The following ZNF462 variants were observed in gnomAD, a reference collection of about 807,000 sequenced individuals.
The protein encoded by ZNF462 is zinc finger protein 462.
In ZNF462, 10 loss-of-function variants were observed where a neutral mutation model predicts 201.9. The ratio of observed to expected loss-of-function variants is 0.05; its 90% CI spans 0.03 to 0.08. ZNF462 has a LOEUF of 0.08. Among genes scored for constraint, ZNF462 ranks in the 10% least tolerant of loss-of-function variants. The probability of loss-of-function intolerance (pLI) is 1.00; values close to 1 mark genes in which losing one functional copy is unlikely to be tolerated. For missense variants in ZNF462, 2,523 were observed against 3,168.3 expected (o/e 0.80, Z 4.89); for synonymous variants, 1,227 against 1,193.3 (o/e 1.03, Z -0.58).
intron 7 of ZNF462, among the ~76,000 whole-genome samples, chr9:106,944,995 A>G (rs576323128): frequency 6.6e-6 from 1 of 152,286 alleles, no homozygotes; most frequent in South Asian, 2.1e-4. Flanking sequence ...TTTATGTACA[A>G]AAACAAAGGA....
chr9:106,951,790 C>T (rs1481439533), intron 7 of ZNF462, among the ~76,000 whole-genome samples: 2 of 152,068 alleles, frequency 1.3e-5, no homozygotes, highest in Non-Finnish European at 2.9e-5. Context: ...CCGGCACTCT[C>T]ACCCTGGGGA....
At chr9:106,910,287 TG>T (rs1180692387) in intron 1 of ZNF462, among the ~76,000 whole-genome samples, 1 of 151,926 alleles carries the variant, frequency 6.6e-6, no homozygotes, top group Non-Finnish European at 1.5e-5. Context: ...TTCTGTGTCC[TG>T]TTCCTCCAAA....
rs1259156730 is a variant in ZNF462 at position 106,876,052 on chromosome 9, A to T, written c.-31+12697A>T. 2.0e-5 allele frequency among the ~76,000 whole-genome samples: 3 copies of T among 152,254 alleles called. No homozygotes were observed. Among genetic ancestry groups the T allele is most frequent in the East Asian group, 1.9e-4 (1 of 5,174 alleles). On this transcript the variant is annotated intron_variant, in intron 1 of 12. Transcript: ENST00000277225. This position sits in a 1 kb window ranked among gnomAD's most constrained non-coding sequence, Gnocchi z 4.9. ...CTTAGAATTTCTGGGGTGAAAATGC[A>T]GTTCTCTGTGCAGGGGTCTCTGTTA...
intron 7 of ZNF462, among the ~76,000 whole-genome samples, chr9:106,943,858 T>C (rs1830993076): frequency 6.6e-6 from 1 of 152,130 alleles, no homozygotes; most frequent in African/African-American, 2.4e-5. Context: ...ACAGGCTGAG[T>C]TTATTTCATT....
rs1373494470 is a variant in ZNF462 at position 106,984,975 on chromosome 9, G to GT, written c.7056+567dup. Among the ~76,000 whole-genome samples, 1 of 152,142 alleles carries GT rather than the reference G, an allele frequency of 6.6e-6. No homozygotes were observed. The highest frequency in any genetic ancestry group is 1.5e-5 in the Non-Finnish European group (1 of 68,034). ...AAATACAAAAGATTAGCCAGGCATGGTGGTGTGCACCTGTGGTCCCAACTA... is the reference window on the plus strand; with the variant it reads ...AAATACAAAAGATTAGCCAGGCATGGTTGGTGTGCACCTGTGGTCCCAACTA... On this transcript the variant is annotated intron_variant, in intron 10 of 12. Transcript: ENST00000277225. This position sits in a 1 kb window ranked among gnomAD's most constrained non-coding sequence, Gnocchi z 6.4.
In ZNF462 at chr9:106,925,965, C is replaced by G. The variant is rs376724425; in HGVS notation, c.2053C>G (p.Leu685Val). The change falls in exon 3 of 13, where the codon CTA (leucine) becomes GTA (valine). Residue 685 changes from leucine (L) to valine (V), a missense_variant. Transcript: ENST00000277225. This position sits in a 1 kb window ranked among gnomAD's most constrained non-coding sequence, Gnocchi z 7.9. ...ASRKLANDFP[L>V]DLSPVKKRTR... ...TAGGAAGCTCGCCAATGACTTTCCTCTAGATTTGTCACCCGTGAAGAAGAG... is the reference window on the plus strand; with the variant it reads ...TAGGAAGCTCGCCAATGACTTTCCTGTAGATTTGTCACCCGTGAAGAAGAG... 1.9e-6 allele frequency: 3 copies of G among 1,614,030 alleles called. No individual in the cohort carries two copies. Among genetic ancestry groups the G allele is most frequent in the Non-Finnish European group, 2.5e-6 (3 of 1,180,038 alleles).
intron 1 of ZNF462, among the ~76,000 whole-genome samples, chr9:106,891,543 A>G (rs1828578562): frequency 6.6e-6 from 1 of 152,118 alleles, no homozygotes; most frequent in Non-Finnish European, 1.5e-5. Flanking sequence ...CGAGAGAGAA[A>G]AATATTTTTG....
rs893718103 is a variant in ZNF462, at chr9:106,933,896, G to A, written c.6116+1347G>A. On this transcript the variant is annotated intron_variant, in intron 5 of 12. Transcript: ENST00000277225. This position sits in a 1 kb window ranked among gnomAD's most constrained non-coding sequence, Gnocchi z 4.3. The stretch of plus-strand genomic sequence containing the variant: ...AAGCTGACTGGGGCCCTAGCTGGGG[G>A]TTCAGTTTGACTAATCCTTAAGTTA... Among the ~76,000 whole-genome samples the A allele has an allele frequency of 1.1e-4, 17 of 152,100 alleles. No individual in the cohort carries two copies. Among genetic ancestry groups the A allele is most frequent in the African/African-American group, 3.4e-4 (14 of 41,422 alleles).
chr9:106,862,484 C>CT (rs1259152112), upstream of ZNF462, among the ~76,000 whole-genome samples: 1 of 152,138 alleles, frequency 6.6e-6, no homozygotes, highest in Non-Finnish European at 1.5e-5. This position sits in a 1 kb window ranked among gnomAD's most constrained non-coding sequence, Gnocchi z 4.2. Context: ...CTCGCACCGC[C>CT]TTCTCCGCAG....
intron 1 of ZNF462, among the ~76,000 whole-genome samples, chr9:106,907,207 C>T (rs1248781360): frequency 6.6e-6 from 1 of 152,062 alleles, no homozygotes; most frequent in African/African-American, 2.4e-5. Context: ...ATTTCTGCCT[C>T]AATATTTCTA....
chr9:106,985,600 G>A (rs1181969807), intron 10 of ZNF462, among the ~76,000 whole-genome samples: 3 of 152,156 alleles, frequency 2.0e-5, no homozygotes, highest in Non-Finnish European at 4.4e-5. Context: ...TAGCCAACAA[G>A]TCCAAAATAT....
chr9:106,887,303 C>T (rs933173856), intron 1 of ZNF462, among the ~76,000 whole-genome samples: 10 of 152,172 alleles, frequency 6.6e-5, no homozygotes, highest in African/African-American at 2.4e-4. Context: ...GTTGTTCTTA[C>T]ATGTTATCCA....
At chr9:106,898,083 A>G (rs1828888537) in intron 1 of ZNF462, among the ~76,000 whole-genome samples, 1 of 152,232 alleles carries the variant, frequency 6.6e-6, no homozygotes. Flanking sequence ...TCATCAGTTT[A>G]TATTTAATGT....
Position 106,924,959 on chromosome 9 carries a change from G to A in ZNF462, c.1047G>A (p.Lys349=). 1 of 1,614,178 alleles carries A rather than the reference G, an allele frequency of 6.2e-7. No homozygotes were observed. Among genetic ancestry groups the A allele is most frequent in the South Asian group, 1.1e-5 (1 of 91,076 alleles). The change falls in exon 3 of 13, where the codon AAG becomes AAA. Residue 349 remains lysine, a synonymous_variant. Coordinates refer to ENST00000277225, the MANE Select transcript of ZNF462 (RefSeq NM_021224.6). This position sits in a 1 kb window ranked among gnomAD's most constrained non-coding sequence, Gnocchi z 6.2. ...TGTCTTACCCTCAGATGAAGCCGAA[G>A]TCACCTCACAATTCTGGTCTAGTTA... is the stretch of plus-strand genomic sequence containing the variant. ...SPMSYPQMKP[K]SPHNSGLVNL...
chr9:106,907,735 A>T (rs7020564), intron 1 of ZNF462, among the ~76,000 whole-genome samples: 66,137 of 151,764 alleles, frequency 0.44, 17,913 homozygotes, highest in African/African-American at 0.77. Flanking sequence ...TTTGTTTTTA[A>T]TGTAGTCAAA....
Position 106,920,146 on chromosome 9 carries a change from T to A in ZNF462, c.-30-3208T>A, listed in dbSNP as rs1022227762. On this transcript the variant is annotated intron_variant, in intron 1 of 12. Coordinates refer to ENST00000277225, the MANE Select transcript of ZNF462 (RefSeq NM_021224.6). The surrounding 1 kb of genome is among the most constrained non-coding windows in gnomAD (Gnocchi z 4.3). Reference sequence around the variant, plus strand: ...GATATGCAGAGCTTATTTCTCACCTTTTTTTTTTTTCCTCGGTTTTGGTTT... The same window carrying A: ...GATATGCAGAGCTTATTTCTCACCTATTTTTTTTTTCCTCGGTTTTGGTTT... 6.7e-6 allele frequency among the ~76,000 whole-genome samples: 1 copy of A among 149,642 alleles called. No individual in the cohort carries two copies. Among genetic ancestry groups the A allele is most frequent in the Non-Finnish European group, 1.5e-5 (1 of 67,156 alleles).
rs192782900 is a variant in ZNF462, at chr9:107,006,988, A to G, written c.7190-2557A>G. ...TTCTTTTTCAAACCATTTCATGAGT[A>G]TGTTCTTTACAATGATTTCTTAACA... On this transcript the variant is annotated intron_variant, in intron 11 of 12. Transcript: ENST00000277225. This position sits in a 1 kb window ranked among gnomAD's most constrained non-coding sequence, Gnocchi z 4.3. Among the ~76,000 whole-genome samples the G allele has an allele frequency of 3.5e-4, 54 of 152,186 alleles. No homozygotes were observed. Among genetic ancestry groups the G allele is most frequent in the Non-Finnish European group, 5.9e-4 (40 of 68,018 alleles).
intron 1 of ZNF462, among the ~76,000 whole-genome samples, chr9:106,864,148 C>CG (rs1385576749): frequency 7.6e-6 from 1 of 132,282 alleles, no homozygotes; most frequent in African/African-American, 2.8e-5. Context: ...CGGGATGTGT[C>CG]GGGGGGTGGC....
chr9:107,002,766 C>T (rs574935407), intron 10 of ZNF462, among the ~76,000 whole-genome samples: 1 of 152,174 alleles, frequency 6.6e-6, no homozygotes, highest in Non-Finnish European at 1.5e-5. Flanking sequence ...TCCATTTAAA[C>T]TAGAGTTAAG....
Sources: allele counts gnomAD v4.1 joint callset (sites outside exome capture counted in the v4.1 genomes callset), GRCh38; gene constraint gnomAD v4.1.1; non-coding constraint Gnocchi (gnomAD v3.1); transcripts MANE v1.5; gene names NCBI Gene and HGNC (gene_info 2026-07-23, HGNC 2026-07-21).